AKAP11: variants seen among roughly 807,000 people sequenced by gnomAD.
AKAP11 encodes the protein A-kinase anchor protein 11.
Under a neutral mutation model 146.1 loss-of-function variants are expected in AKAP11, and 36 were observed. That is an observed-to-expected ratio of 0.25 (90% CI 0.19 to 0.33). The LOEUF is 0.33. AKAP11 is among the 10% of genes least tolerant of loss of function. The pLI, the probability that AKAP11 is intolerant of heterozygous loss-of-function variation, is 1.00. For synonymous variants in AKAP11, 780 were observed against 786.5 expected, an observed-to-expected ratio of 0.99 and a Z score of 0.14; for missense variants, 2,201 against 2,197.0, an observed-to-expected ratio of 1.00 and a Z score of -0.04.
At chr13:42,295,356 T>C (rs183933055) in intron 4 of AKAP11, among the ~76,000 whole-genome samples, 38 of 152,198 alleles carry the variant, frequency 2.5e-4, no homozygotes, top group African/African-American at 8.4e-4. Flanking sequence ...GGAGTTTGAA[T>C]AGGGAGGTGG....
intron 1 of AKAP11, among the ~76,000 whole-genome samples, chr13:42,279,465 CT>C (rs1959010445): frequency 6.6e-6 from 1 of 152,166 alleles, no homozygotes; most frequent in Non-Finnish European, 1.5e-5. Flanking sequence ...AGCTTTTCTT[CT>C]CTAGTTTAAT....
chr13:42,310,226 T>C (rs1960484768), intron 9 of AKAP11, among the ~76,000 whole-genome samples: 1 of 152,216 alleles, frequency 6.6e-6, no homozygotes, highest in South Asian at 2.1e-4. Flanking sequence ...GACCTGTGTT[T>C]CCATTGACCA....
intron 11 of AKAP11, among the ~76,000 whole-genome samples, chr13:42,314,713 T>C (rs909578513): frequency 3.3e-5 from 5 of 152,176 alleles, no homozygotes; most frequent in African/African-American, 7.2e-5. Flanking sequence ...TTCTAAAAGA[T>C]ATTTCTAAAT....
At position 42,314,225 on chromosome 13, in the gene AKAP11, G is replaced by T. The variant is rs1455565262; in HGVS notation, c.5404+285G>T. On this transcript the variant is annotated intron_variant, in intron 11 of 12. Coordinates refer to ENST00000025301, the MANE Select transcript of AKAP11 (RefSeq NM_016248.4). ...TTTGGGTGGCTGAGGTGGGTGGATC[G>T]CATGAGGCCAGGAATTTGAGACCAG... Among the ~76,000 whole-genome samples the T allele has an allele frequency of 2.6e-5, 4 of 152,224 alleles. No homozygotes were observed. In the South Asian group the frequency reaches 6.2e-4, roughly 24 times the overall value.
chr13:42,304,761 T>A (rs1271833080), intron 8 of AKAP11, among the ~76,000 whole-genome samples: 2 of 151,964 alleles, frequency 1.3e-5, no homozygotes, highest in Non-Finnish European at 2.9e-5. Flanking sequence ...GATTCTTTTT[T>A]TTTTTTTGAG....
In AKAP11 at chr13:42,319,864, T is replaced by C. The variant is rs1171104801; in HGVS notation, c.*636T>C. On this transcript the variant is annotated 3_prime_UTR_variant, in exon 13 of 13. Coordinates refer to ENST00000025301, the MANE Select transcript of AKAP11 (RefSeq NM_016248.4). ...AGTGATAGTTTCCCCCATCCTTTCA[T>C]TGACATTATTTGCCAATGCTGCCAG... 6.6e-6 allele frequency: 1 copy of C among 152,524 alleles called. No homozygotes were observed. The highest frequency in any genetic ancestry group is 2.4e-5 in the African/African-American group (1 of 41,282). 9.4% of individuals were successfully genotyped at this position (152,524 alleles called of 1,614,324 possible).
intron 3 of AKAP11, among the ~76,000 whole-genome samples, chr13:42,286,970 T>C (rs964039544): frequency 1.3e-5 from 2 of 152,206 alleles, no homozygotes; most frequent in South Asian, 2.1e-4. Flanking sequence ...ATTAACAGTC[T>C]TTGTTATTTC....
rs1217951773 is a variant in AKAP11, at chr13:42,321,813, G to A, written c.*2585G>A. The stretch of plus-strand genomic sequence containing the variant: ...CTGTGCTGTACATTTTGGCCCTTAC[G>A]AAATACGTCTTTTTCAGAACTGTTA... On this transcript the variant is annotated 3_prime_UTR_variant, in exon 13 of 13. Transcript: ENST00000025301. 5 of 152,190 alleles carry A rather than the reference G, an allele frequency of 3.3e-5. No homozygotes were observed. Among genetic ancestry groups the A allele is most frequent in the Admixed American group, 1.3e-4 (2 of 15,264 alleles). The allele number at this position is 152,190 out of a possible 1,614,324, so 9.4% of individuals were successfully genotyped here. A position where few individuals can be genotyped will look rare whatever the true frequency, so the allele number is the denominator to read the frequency against.
chr13:42,288,494 C>T (rs1028642819), intron 3 of AKAP11, among the ~76,000 whole-genome samples: 5 of 152,208 alleles, frequency 3.3e-5, no homozygotes, highest in Admixed American at 6.5e-5. Context: ...CAGCATGCTT[C>T]TCCCAGGAAT....
intron 8 of AKAP11, among the ~76,000 whole-genome samples, chr13:42,308,144 A>G (rs746260327): frequency 6.6e-6 from 1 of 152,224 alleles, no homozygotes; most frequent in Non-Finnish European, 1.5e-5. Context: ...GTACTGCCCC[A>G]TGGTATCTCA....
rs1057428097 is a variant in AKAP11 at position 42,303,050 on chromosome 13, G to T, written c.4304G>T (p.Cys1435Phe). The T allele has an allele frequency of 5.0e-6, 8 of 1,612,744 alleles. No individual in the cohort carries two copies. Among genetic ancestry groups the T allele is most frequent in the East Asian group, 4.5e-5 (2 of 44,872 alleles). Residue 1435 changes from cysteine to phenylalanine, a missense_variant, in exon 8 of 13, where the codon TGT (cysteine) becomes TTT (phenylalanine). Physicochemically the swap from Cys to Phe is radical, Grantham distance 205. Coordinates refer to ENST00000025301, the MANE Select transcript of AKAP11 (RefSeq NM_016248.4). ...RQSKRNEGYF[C>F]KNQTCERTLD... ...AGTAAAAGAAATGAAGGTTACTTTT[G>T]TAAAAATCAAACTTGTGAAAGGACC...
At position 42,301,171 on chromosome 13, in the gene AKAP11, G is replaced by C; in HGVS notation, c.2425G>C (p.Asp809His). Residue 809 changes from aspartate (D) to histidine (H), a missense_variant, in exon 8 of 13, where the codon GAT (aspartate) becomes CAT (histidine). Asp to His is a moderately conservative substitution (Grantham distance 81). This residue lies in a region of AKAP11 where 1,867 missense variants were observed against 1,833.5 expected (regional missense o/e 1.02). Coordinates refer to ENST00000025301, the MANE Select transcript of AKAP11 (RefSeq NM_016248.4). ...GGCCAAGGCTCATCTGTCATCTGATGATAGTAATTCAAATGGTGATTCTGC... is the reference window on the plus strand; with the variant it reads ...GGCCAAGGCTCATCTGTCATCTGATCATAGTAATTCAAATGGTGATTCTGC... ...CQAKAHLSSD[D>H]SNSNGDSAQV... 6.2e-7 allele frequency: 1 copy of C among 1,614,052 alleles called. No homozygotes were observed. The highest frequency in any genetic ancestry group is 8.5e-7 in the Non-Finnish European group (1 of 1,179,966).
At chr13:42,305,543 A>G (rs1300809087) in intron 8 of AKAP11, among the ~76,000 whole-genome samples, 5 of 152,202 alleles carry the variant, frequency 3.3e-5, no homozygotes, top group Non-Finnish European at 5.9e-5. Flanking sequence ...GGTTGAAAAA[A>G]ATCAAATGAT....
chr13:42,299,880 C>T lies in AKAP11; in HGVS notation c.1134C>T (p.Pro378=), dbSNP rs139822178. 1.1e-5 allele frequency: 17 copies of T among 1,613,594 alleles called. No individual in the cohort carries two copies. Among genetic ancestry groups the T allele is most frequent in the Middle Eastern group, 1.6e-4 (1 of 6,080 alleles). The change falls in exon 8 of 13, where the codon CCC becomes CCT. Residue 378 remains proline, a synonymous_variant. Transcript: ENST00000025301. ...AGACTTGCCTGTTTAACAAAGATCCCGTCATAGGGAAGTCATCGCAGAGGA... is the reference window on the plus strand; with the variant it reads ...AGACTTGCCTGTTTAACAAAGATCCTGTCATAGGGAAGTCATCGCAGAGGA... ...TLETCLFNKD[P]VIGKSSQRKG...
rs1959717863 is a variant in AKAP11 at position 42,299,452 on chromosome 13, C to T, written c.706C>T (p.Leu236Phe). 2 of 1,613,840 alleles carry T rather than the reference C, an allele frequency of 1.2e-6. No homozygotes were observed. Among genetic ancestry groups the T allele is most frequent in the Non-Finnish European group, 1.7e-6 (2 of 1,179,814 alleles). The change falls in exon 8 of 13, where the codon CTC (leucine) becomes TTC (phenylalanine). Residue 236 changes from leucine to phenylalanine, a missense_variant. This residue lies in a region of AKAP11 where 331 missense variants were observed against 347.4 expected (regional missense o/e 0.95). Transcript: ENST00000025301. ...TTTAGAAACCCATGATTTAAAGATT[C>T]TCATTAGCTCTGGACAGCAGAAGTC... ...HHLETHDLKI[L>F]ISSGQQKSLA...
chr13:42,297,257 T>C, intron 6 of AKAP11, 75 bp downstream of exon 6: 1 of 1,141,174 alleles, frequency 8.8e-7, no homozygotes, highest in Admixed American at 3.0e-5. Context: ...GATTAAACTT[T>C]TAAATGCTTG....
intron 9 of AKAP11, among the ~76,000 whole-genome samples, chr13:42,310,088 C>T (rs1009422015): frequency 4.6e-5 from 7 of 151,992 alleles, no homozygotes; most frequent in African/African-American, 1.7e-4. Flanking sequence ...TTAAAAAGAC[C>T]AAATCAAGCT....
chr13:42,287,576 G>T lies in AKAP11; in HGVS notation c.51+1177G>T, dbSNP rs193042108. Among the ~76,000 whole-genome samples, 9 of 152,202 alleles carry T rather than the reference G, an allele frequency of 5.9e-5. No homozygotes were observed. The East Asian group carries it at 1.7e-3, about 29-fold the overall frequency. Reference sequence around the variant, plus strand: ...TGGGATTACAGGTGTGAGCCACTGCGTCTGGCCAATTACATTTTAAAGTAA... The same window carrying T: ...TGGGATTACAGGTGTGAGCCACTGCTTCTGGCCAATTACATTTTAAAGTAA... On this transcript the variant is annotated intron_variant, in intron 3 of 12. Transcript: ENST00000025301.
intron 9 of AKAP11, among the ~76,000 whole-genome samples, chr13:42,310,099 G>A (rs1490509971): frequency 6.6e-6 from 1 of 152,124 alleles, no homozygotes; most frequent in African/African-American, 2.4e-5. Context: ...AAATCAAGCT[G>A]AGGTTAAAAT....
Sources: gnomAD v4.1 joint callset for allele counts (sites outside exome capture counted in the v4.1 genomes callset) on GRCh38, gnomAD v4.1.1 for gene constraint, gnomAD v4.1.1 regional missense constraint, MANE v1.5 for transcripts, NCBI Gene and HGNC (gene_info 2026-07-23, HGNC 2026-07-21) for gene names.